The following LENG8 variants were observed in gnomAD, a reference collection of about 807,000 sequenced individuals.
LENG8 encodes leukocyte receptor cluster (LRC) member 8.
A neutral mutation model predicts 102.1 loss-of-function variants in LENG8; 28 were observed. The observed-to-expected ratio is 0.27, with a 90% confidence interval of 0.20 to 0.38. LENG8 has a LOEUF of 0.38. LENG8 is among the 10% of genes least tolerant of loss of function. The pLI is 1.00. For synonymous variants in LENG8, 531 were observed against 456.7 expected, an observed-to-expected ratio of 1.16 and a Z score of -2.07; for missense variants, 1,022 against 1,113.9, an observed-to-expected ratio of 0.92 and a Z score of 1.17.
intron 4 of LENG8, among the ~76,000 whole-genome samples, chr19:54,453,088 C>G (rs1170800788): frequency 6.6e-6 from 1 of 152,210 alleles, no homozygotes; most frequent in African/African-American, 2.4e-5. Context: ...TCTTGGAGGT[C>G]TCTGCTCAGA....
At chr19:54,450,017 GATTA>G (rs1599948865) in intron 1 of LENG8, among the ~76,000 whole-genome samples, 1 of 152,182 alleles carries the variant, frequency 6.6e-6, no homozygotes, top group Non-Finnish European at 1.5e-5. Flanking sequence ...TCTCCTGCGG[GATTA>G]ATTATCCTAC....
intron 15 of LENG8, chr19:54,458,726 C>G: frequency 6.4e-7 from 1 of 1,551,282 alleles, no homozygotes; most frequent in Non-Finnish European, 8.7e-7. Flanking sequence ...TTCCGGGTCA[C>G]TCCTCTCCCT....
At chr19:54,459,768 G>C in intron 15 of LENG8, 1 of 1,082,140 alleles carries the variant, frequency 9.2e-7, no homozygotes. Flanking sequence ...GCCAGGGTAG[G>C]AGTCACAGGA....
In LENG8 at chr19:54,461,005, G is replaced by A. The variant is rs1051740032; in HGVS notation, c.*77G>A. On this transcript the variant is annotated 3_prime_UTR_variant, in exon 16 of 16. Coordinates refer to ENST00000326764, the MANE Select transcript of LENG8 (RefSeq NM_052925.4). Reference sequence around the variant, plus strand: ...TTGCGGATTCTGTTTTTGAGCCGTGGACTTGGGTTGTAAATTTATTTGTGG... The same window carrying A: ...TTGCGGATTCTGTTTTTGAGCCGTGAACTTGGGTTGTAAATTTATTTGTGG... 6.5e-7 allele frequency: 1 copy of A among 1,530,798 alleles called. No individual in the cohort carries two copies. Among genetic ancestry groups the A allele is most frequent in the Non-Finnish European group, 8.7e-7 (1 of 1,144,532 alleles). 94.8% of individuals were successfully genotyped at this position (1,530,798 alleles called of 1,614,324 possible). A position where few individuals can be genotyped will look rare whatever the true frequency, so the allele number is the denominator to read the frequency against.
At chr19:54,459,504 C>A (rs961643984) in intron 15 of LENG8, 2 of 986,646 alleles carry the variant, frequency 2.0e-6, no homozygotes, top group Non-Finnish European at 2.4e-6. Context: ...GCATGGAGGC[C>A]TTGAGAGCCT....
Position 54,454,471 on chromosome 19 carries a change from T to G in LENG8, c.468T>G (p.Ala156=). 6.2e-7 allele frequency: 1 copy of G among 1,613,034 alleles called. No homozygotes were observed. Among genetic ancestry groups the G allele is most frequent in the Non-Finnish European group, 8.5e-7 (1 of 1,179,582 alleles). Residue 156 remains alanine (A), a synonymous_variant, in exon 6 of 16, where the codon GCT becomes GCG. Transcript: ENST00000326764. ...PGMDESMSYQ[A]PPQQLPSAQP... The stretch of plus-strand genomic sequence containing the variant: ...TGGATGAGAGCATGTCCTACCAGGC[T>G]CCCCCTCAGCAGCTGCCGTCGGCTC...
chr19:54,452,410 A>T (rs2084004972), intron 3 of LENG8, 143 bp downstream of exon 3: 4 of 851,694 alleles, frequency 4.7e-6, no homozygotes, highest in Non-Finnish European at 7.2e-6. Flanking sequence ...TCTGAACGGG[A>T]AAAAGTTCTG....
At position 54,456,718 on chromosome 19, in the gene LENG8, C is replaced by G; in HGVS notation, c.1528C>G (p.Gln510Glu). 1 of 1,612,916 alleles carries G rather than the reference C, an allele frequency of 6.2e-7. No homozygotes were observed. ...CEDPERELKK[Q>E]KRAARFQHGH... The stretch of plus-strand genomic sequence containing the variant: ...GGACCCGGAGCGAGAGCTGAAGAAG[C>G]AGAAGCGGGCAGCCCGCTTCCAGCA... The change falls in exon 11 of 16, where the codon CAG (glutamine) becomes GAG (glutamate). Residue 510 changes from glutamine (Q) to glutamate (E), a missense_variant. Gln to Glu is a conservative substitution (Grantham distance 29, BLOSUM62 2). This residue lies in a region of LENG8 where 326 missense variants were observed against 324.5 expected (regional missense o/e 1.00). Transcript: ENST00000326764.
chr19:54,455,698 T>A (rs186670587), intron 8 of LENG8, 131 bp downstream of exon 8: 6 of 664,834 alleles, frequency 9.0e-6, no homozygotes, highest in South Asian at 6.9e-5. Context: ...AGTTGGATCC[T>A]GGGGGGATGA....
At position 54,455,481 on chromosome 19, in the gene LENG8, G is replaced by T; in HGVS notation, c.939G>T (p.Thr313=). ...ACESEEDKDR[T]EKLLKEVLQA... ...AGTCGGAGGAGGACAAGGACCGCAC[G>T]GAAAAGCTGCTCAAGGAGGTGCTGC... The change falls in exon 8 of 16, where the codon ACG becomes ACT. Residue 313 remains threonine, a synonymous_variant. Transcript: ENST00000326764. The T allele has an allele frequency of 6.2e-7, 1 of 1,614,164 alleles. No individual in the cohort carries two copies. The highest frequency in any genetic ancestry group is 8.5e-7 in the Non-Finnish European group (1 of 1,180,044).
At chr19:54,455,128 A>G (rs1569295768) in intron 7 of LENG8, 36 bp downstream of exon 7, 2 of 1,611,826 alleles carry the variant, frequency 1.2e-6, no homozygotes, top group Admixed American at 1.7e-5. Context: ...GCAGCCCCAC[A>G]CTCTGCACTC....
intron 6 of LENG8, 105 bp from the exon 7 acceptor site, chr19:54,454,846 C>T: frequency 6.7e-7 from 1 of 1,497,740 alleles, no homozygotes; most frequent in Admixed American, 1.9e-5. Flanking sequence ...GAGCCCTCCT[C>T]TAGAACCTGA....
rs770765177 is a variant in LENG8, at chr19:54,454,576, ACAG to A, written c.576_578del (p.Gln192del). 11 of 1,611,102 alleles carry A rather than the reference ACAG, an allele frequency of 6.8e-6. No homozygotes were observed. The South Asian group carries it at 1.1e-4, about 16-fold the overall frequency. On this transcript the variant is annotated inframe_deletion, in exon 6 of 16. Coordinates refer to ENST00000326764, the MANE Select transcript of LENG8 (RefSeq NM_052925.4). ...CTCAGCCTGGGACAGCTCCAGCCAC[ACAG>A]CACAGCCAGGCGGGGCCCGCCACGG...
At position 54,455,975 on chromosome 19, in the gene LENG8, G is replaced by A. The variant is rs749801525; in HGVS notation, c.1034G>A (p.Arg345Gln). The change falls in exon 9 of 16, where the codon CGG (arginine) becomes CAG (glutamine). Residue 345 changes from arginine (R) to glutamine (Q), a missense_variant. This residue lies in a region of LENG8 where 326 missense variants were observed against 324.5 expected (regional missense o/e 1.00). Coordinates refer to ENST00000326764, the MANE Select transcript of LENG8 (RefSeq NM_052925.4). ...CCCTGCTGTATTCTCAGGCTGACCCGGGAGCCTGTGGCTGAGAGCCCTAAG... is the reference window on the plus strand; with the variant it reads ...CCCTGCTGTATTCTCAGGCTGACCCAGGAGCCTGTGGCTGAGAGCCCTAAG... ...WSREPLPGLT[R>Q]EPVAESPKKK... The A allele has an allele frequency of 1.4e-5, 22 of 1,612,036 alleles. No individual in the cohort carries two copies. Among genetic ancestry groups the A allele is most frequent in the South Asian group, 1.1e-4 (10 of 90,986 alleles).
rs149658956 is a variant in LENG8, at chr19:54,456,906, C to T, written c.1716C>T (p.Thr572=). ...LRLTCAPDPS[T]VRPVAVLKKS... is the part of the protein sequence containing the mutation. Reference sequence around the variant, plus strand: ...TCACCTGTGCCCCCGACCCGTCCACCGTGCGCCCTGTGGCAGTAAGTGCCC... The same window carrying T: ...TCACCTGTGCCCCCGACCCGTCCACTGTGCGCCCTGTGGCAGTAAGTGCCC... Residue 572 remains threonine (T), a synonymous_variant, in exon 11 of 16, where the codon ACC becomes ACT. Coordinates refer to ENST00000326764, the MANE Select transcript of LENG8 (RefSeq NM_052925.4). The T allele has an allele frequency of 3.0e-5, 49 of 1,607,078 alleles. No homozygotes were observed. Among genetic ancestry groups the T allele is most frequent in the African/African-American group, 5.3e-5 (4 of 74,850 alleles).
intron 2 of LENG8, among the ~76,000 whole-genome samples, chr19:54,451,740 G>A (rs541753478): frequency 7.2e-5 from 11 of 152,254 alleles, no homozygotes; most frequent in South Asian, 4.1e-4. Flanking sequence ...ATAACCTGCC[G>A]ACTGGGGTGA....
chr19:54,453,398 A>G (rs181094992), intron 4 of LENG8, 148 bp from the exon 5 acceptor site: 10 of 619,288 alleles, frequency 1.6e-5, no homozygotes, highest in Non-Finnish European at 5.8e-6. Context: ...TTTTCCTAAT[A>G]TATGAGAGGA....
chr19:54,460,587 C>CT (rs1363492112), intron 15 of LENG8, 179 bp from the exon 16 acceptor site: 12 of 1,409,720 alleles, frequency 8.5e-6, no homozygotes, highest in Non-Finnish European at 1.1e-5. Flanking sequence ...GGTCACTAAC[C>CT]CCCCCCGGGC....
At position 54,456,894 on chromosome 19, in the gene LENG8, C is replaced by A; in HGVS notation, c.1704C>A (p.Pro568=). Residue 568 remains proline, a synonymous_variant, in exon 11 of 16, where the codon CCC becomes CCA. Coordinates refer to ENST00000326764, the MANE Select transcript of LENG8 (RefSeq NM_052925.4). ...TKHYLRLTCA[P]DPSTVRPVAV... ...ACTACCTGCGCCTCACCTGTGCCCCCGACCCGTCCACCGTGCGCCCTGTGG... is the reference window on the plus strand; with the variant it reads ...ACTACCTGCGCCTCACCTGTGCCCCAGACCCGTCCACCGTGCGCCCTGTGG... The A allele has an allele frequency of 1.2e-6, 2 of 1,608,838 alleles. No homozygotes were observed. The highest frequency in any genetic ancestry group is 1.7e-6 in the Non-Finnish European group (2 of 1,179,730).
Sources: gnomAD v4.1 joint callset for allele counts (sites outside exome capture counted in the v4.1 genomes callset) on GRCh38, gnomAD v4.1.1 for gene constraint, gnomAD v4.1.1 regional missense constraint, MANE v1.5 for transcripts, NCBI Gene and HGNC (gene_info 2026-07-23, HGNC 2026-07-21) for gene names.